Variants in SDK1 observed in about 807,000 individuals in gnomAD.
SDK1 encodes the protein sidekick cell adhesion molecule 1.
In SDK1, 157 loss-of-function variants were observed where a neutral mutation model predicts 245.5. The ratio of observed to expected loss-of-function variants is 0.64; its 90% confidence interval spans 0.56 to 0.73. The LOEUF (loss-of-function observed/expected upper bound fraction) is 0.73. Among genes scored for constraint, SDK1 ranks in the 30% least tolerant of loss-of-function variants. The pLI, the probability that SDK1 is intolerant of heterozygous loss-of-function variation, is 0.00. For missense variants in SDK1, 3,583 were observed against 3,002.3 expected (o/e 1.19, Z -4.52); for synonymous variants, 1,647 against 1,278.5 (o/e 1.29, Z -6.15).
intron 5 of SDK1, among the ~76,000 whole-genome samples, chr7:3,943,547 C>T (rs1233395591): frequency 6.6e-6 from 1 of 150,544 alleles, no homozygotes; most frequent in Non-Finnish European, 1.5e-5. Flanking sequence ...ACCCCTGCCT[C>T]CTGGTTGTGT....
chr7:3,413,085 G>T (rs1391923864), intron 1 of SDK1, among the ~76,000 whole-genome samples: 2 of 152,130 alleles, frequency 1.3e-5, no homozygotes, highest in Non-Finnish European at 2.9e-5. Context: ...ATTAGAAGGA[G>T]TATACTGGTT....
chr7:3,879,886 C>G (rs953979858), intron 5 of SDK1, among the ~76,000 whole-genome samples: 19 of 152,116 alleles, frequency 1.2e-4, no homozygotes, highest in African/African-American at 4.1e-4. Flanking sequence ...GGAGCTGATA[C>G]CATATCTGTC....
At chr7:4,255,313 C>T (rs1244127480) in intron 44 of SDK1, among the ~76,000 whole-genome samples, 1 of 152,228 alleles carries the variant, frequency 6.6e-6, no homozygotes, top group Admixed American at 6.5e-5. Context: ...GCTGGAAGCT[C>T]TCTGTTCTTA....
At position 3,301,786 on chromosome 7, in the gene SDK1, G is replaced by A; in HGVS notation, c.200G>A (p.Arg67Gln). The A allele has an allele frequency of 9.9e-7, 1 of 1,012,030 alleles. No individual in the cohort carries two copies. Among genetic ancestry groups the A allele is most frequent in the Non-Finnish European group, 1.2e-6 (1 of 849,138 alleles). 62.7% of individuals were successfully genotyped at this position (1,012,030 alleles called of 1,614,324 possible). Residue 67 changes from arginine (R) to glutamine (Q), a missense_variant, in exon 1 of 45, where the codon CGG (arginine) becomes CAG (glutamine). Coordinates refer to ENST00000404826, the MANE Select transcript of SDK1 (RefSeq NM_152744.4). Reference sequence around the variant, plus strand: ...GGCGGGGACACGGCGGGCGCGGGGCGGTGCGGCGGGCGGCGGGCGGCAAAG... The same window carrying A: ...GGCGGGGACACGGCGGGCGCGGGGCAGTGCGGCGGGCGGCGGGCGGCAAAG... ...TSGGDTAGAG[R>Q]CGGRRAAKLG...
At chr7:4,051,246 AG>A (rs964354484) in intron 18 of SDK1, among the ~76,000 whole-genome samples, 1 of 143,188 alleles carries the variant, frequency 7.0e-6, no homozygotes, top group Non-Finnish European at 1.5e-5. Context: ...TATAGTATAT[AG>A]GTTGTATATA....
chr7:3,665,932 CCTT>C (rs946555721), intron 4 of SDK1, among the ~76,000 whole-genome samples: 16 of 152,192 alleles, frequency 1.1e-4, no homozygotes, highest in Non-Finnish European at 1.3e-4. Flanking sequence ...ACTCAGAACA[CCTT>C]CTACCATCTT....
At chr7:3,499,810 A>C (rs1450576786) in intron 1 of SDK1, among the ~76,000 whole-genome samples, 1 of 152,204 alleles carries the variant, frequency 6.6e-6, no homozygotes, top group Non-Finnish European at 1.5e-5. Flanking sequence ...CCTGGGAAAC[A>C]CAGGGCTTAG....
intron 1 of SDK1, among the ~76,000 whole-genome samples, chr7:3,560,702 A>G (rs1779722947): frequency 6.6e-6 from 1 of 152,036 alleles, no homozygotes; most frequent in South Asian, 2.1e-4. Flanking sequence ...ACCCATTTAA[A>G]CAGAGTTCAG....
At chr7:3,525,639 G>C (rs533857317) in intron 1 of SDK1, among the ~76,000 whole-genome samples, 7 of 151,868 alleles carry the variant, frequency 4.6e-5, no homozygotes, top group African/African-American at 1.4e-4. Context: ...TTTTCTCTTA[G>C]AGCCCCATTT....
At chr7:4,205,760 T>G in intron 35 of SDK1, 119 bp from the exon 36 acceptor site, 1 of 812,106 alleles carries the variant, frequency 1.2e-6, no homozygotes, top group Non-Finnish European at 2.0e-6. Context: ...CAGGGAAGAA[T>G]CTCTCACATG....
At chr7:3,468,514 C>A (rs1282968724) in intron 1 of SDK1, among the ~76,000 whole-genome samples, 1 of 152,290 alleles carries the variant, frequency 6.6e-6, no homozygotes, top group East Asian at 1.9e-4. Flanking sequence ...AAAAGTATTA[C>A]TCTAACTTTT....
intron 5 of SDK1, among the ~76,000 whole-genome samples, chr7:3,880,814 G>A (rs1781191209): frequency 6.6e-6 from 1 of 152,046 alleles, no homozygotes; most frequent in Non-Finnish European, 1.5e-5. Flanking sequence ...TGCCGGCTGT[G>A]GTTATGAACT....
intron 33 of SDK1, among the ~76,000 whole-genome samples, chr7:4,174,810 G>T (rs895517106): frequency 1.3e-5 from 2 of 152,140 alleles, no homozygotes; most frequent in African/African-American, 4.8e-5. Context: ...ACTGCGCCAT[G>T]ATCGTTGCTC....
At chr7:3,419,972 A>T (rs181571877) in intron 1 of SDK1, among the ~76,000 whole-genome samples, 23 of 152,320 alleles carry the variant, frequency 1.5e-4, no homozygotes, top group African/African-American at 5.3e-4. Context: ...GTAGGTAATA[A>T]TGAGAAATGC....
chr7:3,519,873 C>T (rs964633702), intron 1 of SDK1, among the ~76,000 whole-genome samples: 1 of 152,034 alleles, frequency 6.6e-6, no homozygotes, highest in Non-Finnish European at 1.5e-5. Flanking sequence ...TGTTAGTATA[C>T]ATATATTGAA....
At chr7:3,354,846 A>G (rs1780750163) in intron 1 of SDK1, among the ~76,000 whole-genome samples, 1 of 152,222 alleles carries the variant, frequency 6.6e-6, no homozygotes, top group Admixed American at 6.5e-5. Context: ...AACCAAGGAA[A>G]CGATTGGACT....
chr7:3,578,845 T>G (rs1446689223), intron 1 of SDK1, among the ~76,000 whole-genome samples: 1 of 151,932 alleles, frequency 6.6e-6, no homozygotes, highest in Non-Finnish European at 1.5e-5. Flanking sequence ...TGATTTCATA[T>G]TGTTCAAACA....
intron 5 of SDK1, among the ~76,000 whole-genome samples, chr7:3,902,961 G>T (rs952094198): frequency 1.3e-4 from 20 of 152,068 alleles, no homozygotes; most frequent in Non-Finnish European, 4.4e-5. Flanking sequence ...ATTTTAAAAT[G>T]GACAAAGGAT....
chr7:4,075,177 G>A (rs971614511), intron 20 of SDK1, among the ~76,000 whole-genome samples: 3 of 151,870 alleles, frequency 2.0e-5, no homozygotes, highest in Non-Finnish European at 2.9e-5. Flanking sequence ...AAGTGCTCTG[G>A]AGGCACCCAG....
Sources: gnomAD v4.1 joint callset for allele counts (sites outside exome capture counted in the v4.1 genomes callset) on GRCh38, gnomAD v4.1.1 for gene constraint, MANE v1.5 for transcripts, NCBI Gene and HGNC (gene_info 2026-07-23, HGNC 2026-07-21) for gene names.